KIT: variants seen among roughly 807,000 people sequenced by gnomAD.
KIT encodes KIT proto-oncogene, receptor tyrosine kinase.
KIT carries 16 observed loss-of-function variants against 105.7 expected under a neutral mutation model. The ratio of observed to expected loss-of-function variants is 0.15; its 90% CI spans 0.10 to 0.23. The LOEUF (loss-of-function observed/expected upper bound fraction) is 0.23, where lower values mean the gene tolerates loss of function less well. Among genes scored for constraint, KIT ranks in the 10% least tolerant of loss-of-function variants. The pLI, the probability that KIT is intolerant of heterozygous loss-of-function variation, is 1.00. For synonymous variants in KIT, 438 were observed against 441.1 expected, an observed-to-expected ratio of 0.99 and a Z score of 0.09; for missense variants, 858 against 1,213.8, an observed-to-expected ratio of 0.71 and a Z score of 4.36.
At chr4:54,733,593 G>A (rs538759794) in intron 17 of KIT, among the ~76,000 whole-genome samples, 1 of 152,214 alleles carries the variant, frequency 6.6e-6, no homozygotes, top group East Asian at 1.9e-4. Context: ...TTCAGAGTTA[G>A]CCATATAGAA....
chr4:54,716,548 G>T (rs899194106), intron 7 of KIT, among the ~76,000 whole-genome samples: 1 of 151,708 alleles, frequency 6.6e-6, no homozygotes, highest in Non-Finnish European at 1.5e-5. Flanking sequence ...AAGTCATATT[G>T]CTTTATAACC....
intron 14 of KIT, among the ~76,000 whole-genome samples, chr4:54,730,897 A>G (rs1029242927): frequency 2.0e-5 from 3 of 152,086 alleles, no homozygotes; most frequent in Non-Finnish European, 4.4e-5. Context: ...ACCTTCCTCC[A>G]TCAGTCACTA....
intron 1 of KIT, among the ~76,000 whole-genome samples, chr4:54,688,307 A>C (rs1223147312): frequency 6.6e-6 from 1 of 152,194 alleles, no homozygotes; most frequent in Non-Finnish European, 1.5e-5. Flanking sequence ...TATACAAATC[A>C]TTAGCTTTTT....
chr4:54,690,060 G>A (rs867511590), intron 1 of KIT, among the ~76,000 whole-genome samples: 5 of 121,692 alleles, frequency 4.1e-5, no homozygotes, highest in African/African-American at 9.6e-5. Flanking sequence ...TTTTTTTGTG[G>A]GGGGGGGGGG....
In KIT at chr4:54,707,301, CT is replaced by C. The variant is rs761590943; in HGVS notation, c.1115+16del. 8.2e-5 allele frequency: 130 copies of C among 1,579,674 alleles called. No homozygotes were observed. In the African/African-American group the frequency reaches 1.5e-3, roughly 18 times the overall value. ...AAGTAATATCAGGTAAGAAATGGAC[CT>C]TGCCCTGGGGGATTACACATTACCC... On this transcript the variant is annotated intron_variant, in intron 6 of 20. Transcript: ENST00000288135.
intron 1 of KIT, among the ~76,000 whole-genome samples, chr4:54,670,026 A>G (rs997471189): frequency 6.6e-6 from 1 of 152,090 alleles, no homozygotes; most frequent in African/African-American, 2.4e-5. Flanking sequence ...TCCCTGCCCC[A>G]GTTTCTGTAA....
rs1199902129 is a variant in KIT, at chr4:54,728,116, T to C, written c.1985T>C (p.Ile662Thr). 4 of 1,608,536 alleles carry C rather than the reference T, an allele frequency of 2.5e-6. No individual in the cohort carries two copies. The highest frequency in any genetic ancestry group is 1.6e-4 in the Middle Eastern group (1 of 6,072). ...NIVNLLGACT[I>T]GGPTLVITEY... is the part of the protein sequence containing the mutation. The stretch of plus-strand genomic sequence containing the variant: ...GTGAATCTACTTGGAGCCTGCACCA[T>C]TGGAGGTAAAGCCGTGTCCAAGCTG... Residue 662 changes from isoleucine (I) to threonine (T), a missense_variant, in exon 13 of 21, where the codon ATT (isoleucine) becomes ACT (threonine). By Grantham distance (89) the Ile-to-Thr change is moderately conservative. Transcript: ENST00000288135.
At chr4:54,677,648 A>G (rs1560380651) in intron 1 of KIT, among the ~76,000 whole-genome samples, 1 of 152,140 alleles carries the variant, frequency 6.6e-6, no homozygotes, top group African/African-American at 2.4e-5. Context: ...CCCACTTCCA[A>G]ATCTATTTGT....
At chr4:54,719,156 A>T (rs1267306979) in intron 7 of KIT, among the ~76,000 whole-genome samples, 2 of 152,174 alleles carry the variant, frequency 1.3e-5, no homozygotes, top group Non-Finnish European at 2.9e-5. Context: ...TGTCCTGCTG[A>T]TTATAAAATA....
At chr4:54,711,649 C>CCTTGCCT (rs369585637) in intron 7 of KIT, among the ~76,000 whole-genome samples, 1 of 151,896 alleles carries the variant, frequency 6.6e-6, no homozygotes, top group Non-Finnish European at 1.5e-5. Flanking sequence ...AGGCTGGACG[C>CCTTGCCT]GGTGGCTCAC....
chr4:54,728,860 T>C (rs1722405338), intron 13 of KIT, among the ~76,000 whole-genome samples: 1 of 152,224 alleles, frequency 6.6e-6, no homozygotes, highest in Non-Finnish European at 1.5e-5. Flanking sequence ...AGAACACAGG[T>C]CATTTTAGGT....
At chr4:54,675,301 G>A (rs536839755) in intron 1 of KIT, among the ~76,000 whole-genome samples, 1 of 152,310 alleles carries the variant, frequency 6.6e-6, no homozygotes. Context: ...TTAAATTCTG[G>A]AAGATAGAGT....
At chr4:54,674,957 C>A (rs1010608643) in intron 1 of KIT, among the ~76,000 whole-genome samples, 2 of 152,160 alleles carry the variant, frequency 1.3e-5, no homozygotes, top group African/African-American at 4.8e-5. Flanking sequence ...TACTTAATAT[C>A]ATCTAATAAA....
chr4:54,716,086 G>A (rs1721477189), intron 7 of KIT, among the ~76,000 whole-genome samples: 2 of 152,190 alleles, frequency 1.3e-5, no homozygotes, highest in Admixed American at 6.5e-5. Flanking sequence ...CCATACTTGT[G>A]TTAGAGGCCA....
chr4:54,689,006 C>A (rs1486522273), intron 1 of KIT, among the ~76,000 whole-genome samples: 2 of 152,220 alleles, frequency 1.3e-5, no homozygotes, highest in African/African-American at 4.8e-5. Flanking sequence ...ATACACCACA[C>A]CCACAATGCA....
intron 3 of KIT, among the ~76,000 whole-genome samples, chr4:54,699,258 C>T (rs781378762): frequency 1.3e-5 from 2 of 152,102 alleles, no homozygotes; most frequent in Admixed American, 6.5e-5. Context: ...ATGAGAAAGA[C>T]GCCTGTTTGC....
chr4:54,665,395 C>T (rs1397735900), intron 1 of KIT, among the ~76,000 whole-genome samples: 2 of 152,122 alleles, frequency 1.3e-5, no homozygotes, highest in Non-Finnish European at 2.9e-5. Flanking sequence ...CTCATGGCTG[C>T]GAGCTACATG....
chr4:54,659,569 T>C (rs1459896066), intron 1 of KIT, among the ~76,000 whole-genome samples: 1 of 152,036 alleles, frequency 6.6e-6, no homozygotes, highest in Non-Finnish European at 1.5e-5. Context: ...CTTGTAACTA[T>C]TGTGAGGGCT....
intron 7 of KIT, among the ~76,000 whole-genome samples, chr4:54,718,410 A>G (rs1486872169): frequency 1.3e-5 from 2 of 152,226 alleles, no homozygotes; most frequent in African/African-American, 4.8e-5. Context: ...CTCACAAACT[A>G]AGAACGTTAT....
Sources: gnomAD v4.1 joint callset for allele counts (sites outside exome capture counted in the v4.1 genomes callset) on GRCh38, gnomAD v4.1.1 for gene constraint, MANE v1.5 for transcripts, NCBI Gene and HGNC (gene_info 2026-07-23, HGNC 2026-07-21) for gene names.